NSUN6: variants seen among roughly 807,000 people sequenced by gnomAD.
The protein encoded by NSUN6 is tRNA (cytosine(72)-C(5))-methyltransferase NSUN6.
Under a neutral mutation model 58.0 loss-of-function variants are expected in NSUN6, and 64 were observed. That is an observed-to-expected ratio of 1.10 (90% CI 0.90 to 1.36). The LOEUF (loss-of-function observed/expected upper bound fraction) is 1.36, where lower values mean the gene tolerates loss of function less well. Among genes scored for constraint, NSUN6 ranks in the 40% most tolerant of loss-of-function variants. The pLI is 0.00. For missense variants in NSUN6, 701 were observed against 550.1 expected, an observed-to-expected ratio of 1.27 and a Z score of -2.74; for synonymous variants, 231 against 193.9, an observed-to-expected ratio of 1.19 and a Z score of -1.59.
chr10:18,593,168 G>A (rs889590739), intron 7 of NSUN6, among the ~76,000 whole-genome samples: 34 of 152,118 alleles, frequency 2.2e-4, no homozygotes, highest in African/African-American at 7.7e-4. Context: ...ACCATCTCAC[G>A]CCAGTTTGAA....
intron 6 of NSUN6, among the ~76,000 whole-genome samples, chr10:18,607,742 A>G (rs2058093199): frequency 2.6e-5 from 4 of 152,374 alleles, no homozygotes; most frequent in South Asian, 4.1e-4. Context: ...CATGGGGCCA[A>G]GAATACAGGC....
intron 9 of NSUN6, among the ~76,000 whole-genome samples, chr10:18,550,428 T>G (rs1240730332): frequency 6.6e-6 from 1 of 152,160 alleles, no homozygotes; most frequent in Non-Finnish European, 1.5e-5. Flanking sequence ...AGAAACTAAA[T>G]CATTATAGAA....
chr10:18,604,136 C>T lies in NSUN6; in HGVS notation c.657+5709G>A, dbSNP rs535125981. On this transcript the variant is annotated intron_variant, in intron 6 of 10. Transcript: ENST00000377304. Reference sequence around the variant, plus strand: ...GGCGGAGGCTGCAGTGAGCTGAGATCGTGCCGCTGCACTCCAGCCTGGGCG... The same window carrying T: ...GGCGGAGGCTGCAGTGAGCTGAGATTGTGCCGCTGCACTCCAGCCTGGGCG... Among the ~76,000 whole-genome samples, 13 of 152,212 alleles carry T rather than the reference C, an allele frequency of 8.5e-5. No individual in the cohort carries two copies. In the South Asian group the frequency reaches 2.1e-3, roughly 24 times the overall value.
At chr10:18,571,127 C>T (rs920756612) in intron 8 of NSUN6, among the ~76,000 whole-genome samples, 1 of 150,808 alleles carries the variant, frequency 6.6e-6, no homozygotes, top group African/African-American at 2.4e-5. Flanking sequence ...CTTTTCATTC[C>T]ATTCTCCATT....
intron 9 of NSUN6, among the ~76,000 whole-genome samples, chr10:18,550,850 G>A (rs7901598): frequency 0.35 from 52,704 of 150,958 alleles, 9,769 homozygotes; most frequent in East Asian, 0.74. Flanking sequence ...TCAACCTCCC[G>A]AGTAGCTGGG....
At chr10:18,596,065 T>C (rs1006205861) in intron 7 of NSUN6, 143 bp downstream of exon 7, 3 of 643,428 alleles carry the variant, frequency 4.7e-6, no homozygotes, top group Non-Finnish European at 8.2e-6. Flanking sequence ...GAGCTTAATA[T>C]GTAGTGACTG....
At chr10:18,570,312 ATTC>A (rs1445817899) in intron 8 of NSUN6, among the ~76,000 whole-genome samples, 1 of 149,316 alleles carries the variant, frequency 6.7e-6, no homozygotes, top group African/African-American at 2.5e-5. Flanking sequence ...TCTCCATTCC[ATTC>A]TTCATTTCAT....
chr10:18,651,387 A>G lies in NSUN6; in HGVS notation c.-184T>C. The G allele has an allele frequency of 7.7e-7, 1 of 1,303,696 alleles. No homozygotes were observed. The highest frequency in any genetic ancestry group is 9.7e-7 in the Non-Finnish European group (1 of 1,029,578). The allele number at this position is 1,303,696 out of a possible 1,614,324, so 80.8% of individuals were successfully genotyped here. ...CGCTTTCTCAAGCCTAGCCGATTAG[A>G]AGGGGCTGCCGGGCTTCCACCACAC... On this transcript the variant is annotated 5_prime_UTR_variant, in exon 1 of 11. Transcript: ENST00000377304.
rs35015072 is a variant in NSUN6, at chr10:18,634,755, T to TCAAACAAA, written c.311+7713_311+7720dup. Among the ~76,000 whole-genome samples the TCAAACAAA allele has an allele frequency of 6.7e-5, 10 of 149,718 alleles. No homozygotes were observed. In the South Asian group the frequency reaches 8.5e-4, roughly 13 times the overall value. On this transcript the variant is annotated intron_variant, in intron 3 of 10. Transcript: ENST00000377304. The stretch of plus-strand genomic sequence containing the variant: ...CTGGGTGACAGAGCGAGACTCTGTC[T>TCAAACAAA]CAAACAAACAAACAAAACAAAACAA...
intron 8 of NSUN6, among the ~76,000 whole-genome samples, chr10:18,583,414 G>A (rs547302646): frequency 3.3e-5 from 5 of 152,080 alleles, no homozygotes; most frequent in African/African-American, 9.6e-5. Flanking sequence ...ACACAGACGC[G>A]GTTGACAGTA....
intron 7 of NSUN6, among the ~76,000 whole-genome samples, chr10:18,590,650 A>G (rs1459828589): frequency 6.6e-6 from 1 of 152,250 alleles, no homozygotes; most frequent in Non-Finnish European, 1.5e-5. Context: ...TTGCTCCTGA[A>G]TGACTACTGG....
intron 3 of NSUN6, among the ~76,000 whole-genome samples, chr10:18,623,798 G>A (rs2058692016): frequency 6.6e-6 from 1 of 152,134 alleles, no homozygotes; most frequent in Admixed American, 6.6e-5. Context: ...CCCACCCTCT[G>A]GAAAAAAGGT....
intron 3 of NSUN6, among the ~76,000 whole-genome samples, chr10:18,638,842 A>G (rs2059302612): frequency 6.6e-6 from 1 of 151,788 alleles, no homozygotes; most frequent in African/African-American, 2.4e-5. Flanking sequence ...CAACGACATT[A>G]ATAAAGATAA....
chr10:18,612,303 G>C (rs1162480531), intron 5 of NSUN6, among the ~76,000 whole-genome samples: 5 of 152,044 alleles, frequency 3.3e-5, no homozygotes, highest in African/African-American at 7.2e-5. Context: ...TGTGCCTATA[G>C]TACTAGCTAC....
At chr10:18,564,379 C>G (rs1460891499) in intron 8 of NSUN6, among the ~76,000 whole-genome samples, 1 of 151,396 alleles carries the variant, frequency 6.6e-6, no homozygotes, top group Non-Finnish European at 1.5e-5. Flanking sequence ...CCATTCCATT[C>G]CATTCTCCCG....
chr10:18,612,841 C>T (rs7099307), intron 5 of NSUN6, among the ~76,000 whole-genome samples: 78,768 of 152,030 alleles, frequency 0.52, 21,085 homozygotes, highest in East Asian at 0.98. Flanking sequence ...CGTATGTTAA[C>T]ACAGTCTGTT....
At chr10:18,611,028 A>C (rs896939824) in intron 5 of NSUN6, among the ~76,000 whole-genome samples, 1 of 152,036 alleles carries the variant, frequency 6.6e-6, no homozygotes, top group Non-Finnish European at 1.5e-5. Context: ...ACATCTCTAC[A>C]TAAAATTTAA....
intron 5 of NSUN6, among the ~76,000 whole-genome samples, chr10:18,612,447 T>G (rs1210978390): frequency 6.6e-6 from 1 of 152,154 alleles, no homozygotes; most frequent in East Asian, 1.9e-4. Context: ...AGTCCTTTGT[T>G]GTGACACCTG....
At chr10:18,565,337 TTCCATTC>T (rs1236294084) in intron 8 of NSUN6, among the ~76,000 whole-genome samples, 2 of 151,064 alleles carry the variant, frequency 1.3e-5, no homozygotes, top group Admixed American at 6.6e-5. Context: ...TTCCATTCCC[TTCCATTC>T]TCCATTCTAT....
Sources: allele counts gnomAD v4.1 joint callset (sites outside exome capture counted in the v4.1 genomes callset), GRCh38; gene constraint gnomAD v4.1.1; transcripts MANE v1.5; gene names NCBI Gene and HGNC (gene_info 2026-07-23, HGNC 2026-07-21).